The following EXOC6B variants were observed in gnomAD, a reference collection of about 807,000 sequenced individuals.
EXOC6B encodes the protein exocyst complex component 6B.
Under a neutral mutation model 113.5 loss-of-function variants are expected in EXOC6B, and 54 were observed. The ratio of observed to expected loss-of-function variants is 0.48; its 90% CI spans 0.38 to 0.60. The LOEUF is 0.60. Ranked by LOEUF, EXOC6B falls within the 20% of genes least tolerant of loss-of-function variation. The pLI is 0.00. For missense variants in EXOC6B, 797 were observed against 977.5 expected (o/e 0.82, Z 2.46); for synonymous variants, 357 against 339.0 (o/e 1.05, Z -0.58).
intron 1 of EXOC6B, among the ~76,000 whole-genome samples, chr2:72,768,344 T>G (rs1447347435): frequency 1.4e-5 from 2 of 143,630 alleles, no homozygotes. Context: ...CAGGCTGGAG[T>G]GCAATGGTGC....
intron 6 of EXOC6B, among the ~76,000 whole-genome samples, chr2:72,652,232 T>G (rs1390910366): frequency 1.3e-5 from 2 of 149,604 alleles, no homozygotes; most frequent in Non-Finnish European, 3.0e-5. Context: ...ATAAACACAG[T>G]AGCAGGAACG....
chr2:72,416,966 C>A (rs1029261538), intron 18 of EXOC6B, among the ~76,000 whole-genome samples: 9 of 152,106 alleles, frequency 5.9e-5, no homozygotes, highest in African/African-American at 1.7e-4. Flanking sequence ...CTAGTTACCT[C>A]AGGTGACAAT....
At chr2:72,387,410 T>C (rs687325) in intron 18 of EXOC6B, among the ~76,000 whole-genome samples, 22,871 of 152,168 alleles carry the variant, frequency 0.15, 2,301 homozygotes, top group African/African-American at 0.29. Flanking sequence ...GGTTTAATTT[T>C]TTTCAGAAAT....
At chr2:72,628,072 A>T (rs1014274665) in intron 6 of EXOC6B, among the ~76,000 whole-genome samples, 1 of 152,166 alleles carries the variant, frequency 6.6e-6, no homozygotes, top group Non-Finnish European at 1.5e-5. Context: ...ATAATATTTT[A>T]TAAGAAGTTT....
chr2:72,785,859 C>T (rs113183430), intron 1 of EXOC6B, among the ~76,000 whole-genome samples: 5,634 of 152,310 alleles, frequency 0.037, 354 homozygotes, highest in African/African-American at 0.13. Context: ...CCCCAGAAAA[C>T]GGGTTTTTCT....
chr2:72,731,554 C>T (rs1680647858), intron 3 of EXOC6B, among the ~76,000 whole-genome samples: 1 of 152,230 alleles, frequency 6.6e-6, no homozygotes, highest in African/African-American at 2.4e-5. Context: ...AACCCACACA[C>T]TTAAAAGATG....
chr2:72,560,426 CTA>C (rs1703827070), intron 7 of EXOC6B, among the ~76,000 whole-genome samples: 1 of 152,048 alleles, frequency 6.6e-6, no homozygotes, highest in Non-Finnish European at 1.5e-5. Flanking sequence ...ACACTGGTAA[CTA>C]TATAATTCAT....
At chr2:72,810,161 C>T (rs937189484) in intron 1 of EXOC6B, among the ~76,000 whole-genome samples, 12 of 151,764 alleles carry the variant, frequency 7.9e-5, no homozygotes, top group Admixed American at 3.3e-4. Context: ...CAAATAGGAG[C>T]CTAAAGGGAA....
rs1695345819 is a variant in EXOC6B, at chr2:72,428,637, C to CTGAG, written c.1980+36519_1980+36522dup. 1.3e-5 allele frequency among the ~76,000 whole-genome samples: 2 copies of CTGAG among 152,202 alleles called. 1 individual carries two copies. The highest frequency in any genetic ancestry group is 4.1e-4 in the South Asian group (2 of 4,834). On this transcript the variant is annotated intron_variant, in intron 18 of 21. Coordinates refer to ENST00000272427, the MANE Select transcript of EXOC6B (RefSeq NM_015189.3). Reference sequence around the variant, plus strand: ...CATGAGAAGAGCGCAGCCTACCAGGCTGAGTGGGTGGAAAAAGCCAAGCGG... The same window carrying CTGAG: ...CATGAGAAGAGCGCAGCCTACCAGGCTGAGTGAGTGGGTGGAAAAAGCCAAGCGG...
At chr2:72,370,575 C>T (rs1023659888) in intron 19 of EXOC6B, among the ~76,000 whole-genome samples, 8 of 152,056 alleles carry the variant, frequency 5.3e-5, no homozygotes, top group Non-Finnish European at 8.8e-5. Flanking sequence ...ATGTTTATTG[C>T]GGCACTACTC....
At chr2:72,431,531 A>ATCTG (rs1695531785) in intron 18 of EXOC6B, among the ~76,000 whole-genome samples, 1 of 150,782 alleles carries the variant, frequency 6.6e-6, no homozygotes, top group Admixed American at 6.6e-5. Context: ...CTATCTATCT[A>ATCTG]TCTATCTAAG....
At chr2:72,464,393 T>C (rs910669266) in intron 18 of EXOC6B, 1 of 152,178 alleles carries the variant, frequency 6.6e-6, no homozygotes, top group Non-Finnish European at 1.5e-5. Context: ...CAGAGCCATA[T>C]CCTACCAACA....
intron 20 of EXOC6B, among the ~76,000 whole-genome samples, chr2:72,297,804 G>C (rs10166538): frequency 0.14 from 21,702 of 152,122 alleles, 1,994 homozygotes; most frequent in African/African-American, 0.26. Flanking sequence ...GTGCAGTTTT[G>C]AGTGACTGTT....
At chr2:72,773,488 T>C (rs1052181901) in intron 1 of EXOC6B, among the ~76,000 whole-genome samples, 1 of 150,968 alleles carries the variant, frequency 6.6e-6, no homozygotes, top group African/African-American at 2.4e-5. Flanking sequence ...TTGATGAATA[T>C]GTTAATTAGC....
chr2:72,424,377 A>G lies in EXOC6B; in HGVS notation c.1980+40783T>C, dbSNP rs1353011197. On this transcript the variant is annotated intron_variant, in intron 18 of 21. Coordinates refer to ENST00000272427, the MANE Select transcript of EXOC6B (RefSeq NM_015189.3). ...CCCACATTTTCAAATTTTAGTACAT[A>G]TAAGACTTGTGTAAAATTGTAGCAT... Among the ~76,000 whole-genome samples the G allele has an allele frequency of 2.6e-5, 4 of 152,066 alleles. No individual in the cohort carries two copies. The South Asian group carries it at 8.3e-4, about 32-fold the overall frequency.
intron 6 of EXOC6B, among the ~76,000 whole-genome samples, chr2:72,612,851 T>C (rs1341612208): frequency 1.3e-5 from 2 of 152,240 alleles, no homozygotes; most frequent in East Asian, 1.9e-4. Context: ...TAAGCACATG[T>C]ATGCATTCCA....
chr2:72,319,372 A>T (rs1195594868), intron 20 of EXOC6B, among the ~76,000 whole-genome samples: 1 of 152,168 alleles, frequency 6.6e-6, no homozygotes, highest in African/African-American at 2.4e-5. Flanking sequence ...CTCAGCACCT[A>T]TTTAACCTTG....
chr2:72,302,872 C>T (rs568067023), intron 20 of EXOC6B, among the ~76,000 whole-genome samples: 35 of 151,890 alleles, frequency 2.3e-4, no homozygotes, highest in Admixed American at 7.9e-4. Context: ...TGTTGTTAGC[C>T]GGTTGTTATG....
In EXOC6B at chr2:72,495,441, ATCT is replaced by A. The variant is rs778726682; in HGVS notation, c.1539_1541del (p.Glu513del). 2 of 1,546,042 alleles carry A rather than the reference ATCT, an allele frequency of 1.3e-6. No homozygotes were observed. The highest frequency in any genetic ancestry group is 1.1e-5 in the South Asian group (1 of 87,530). On this transcript the variant is annotated inframe_deletion, in exon 15 of 22. Transcript: ENST00000272427. ...ATTTTGTATTATACCTTAGATGAAG[ATCT>A]TCTGAAAACTTCAGACAAGCGTAGA...
Sources: gnomAD v4.1 joint callset for allele counts (sites outside exome capture counted in the v4.1 genomes callset) on GRCh38, gnomAD v4.1.1 for gene constraint, MANE v1.5 for transcripts, NCBI Gene and HGNC (gene_info 2026-07-23, HGNC 2026-07-21) for gene names.